The following PRMT7 variants were observed in gnomAD, a reference collection of about 807,000 sequenced individuals.
The protein encoded by PRMT7 is protein arginine N-methyltransferase 7.
A neutral mutation model predicts 85.4 loss-of-function variants in PRMT7; 75 were observed. That is an observed-to-expected ratio of 0.88 (90% CI 0.73 to 1.06). PRMT7 has a LOEUF of 1.06. PRMT7 is among the 50% of genes least tolerant of loss of function. The probability of loss-of-function intolerance (pLI) is 0.00; values close to 1 mark genes in which losing one functional copy is unlikely to be tolerated. For missense variants in PRMT7, 868 were observed against 915.2 expected, an observed-to-expected ratio of 0.95 and a Z score of 0.67; for synonymous variants, 397 against 359.5, an observed-to-expected ratio of 1.10 and a Z score of -1.18.
intron 9 of PRMT7, 84 bp downstream of exon 9, chr16:68,340,052 C>G (rs2085281142): frequency 1.6e-5 from 21 of 1,353,610 alleles, no homozygotes; most frequent in Non-Finnish European, 2.0e-5. Flanking sequence ...AGCCTTGGAC[C>G]CAGGAGAATT....
At chr16:68,319,734 GT>G (rs1309234527) in intron 3 of PRMT7, among the ~76,000 whole-genome samples, 1 of 151,574 alleles carries the variant, frequency 6.6e-6, no homozygotes, top group East Asian at 1.9e-4. Context: ...GTGTGTGTGT[GT>G]GTGTGTTCTG....
At chr16:68,358,903 A>T (rs1348051677), downstream of PRMT7, 1 of 152,568 alleles carries the variant, frequency 6.6e-6, no homozygotes, top group African/African-American at 2.4e-5. Flanking sequence ...ACAATGAGAC[A>T]CGTGGGTGGG....
chr16:68,340,309 C>T (rs1001196223), intron 9 of PRMT7, among the ~76,000 whole-genome samples: 1 of 152,164 alleles, frequency 6.6e-6, no homozygotes, highest in Admixed American at 6.5e-5. Context: ...TACAGCCTCA[C>T]CTTCTGTGGC....
chr16:68,341,531 C>T (rs1231278355), intron 9 of PRMT7, among the ~76,000 whole-genome samples: 2 of 152,048 alleles, frequency 1.3e-5, no homozygotes, highest in Non-Finnish European at 2.9e-5. Flanking sequence ...TGCCTCAGCC[C>T]CCTGAGTAGC....
chr16:68,342,155 G>A (rs1232174363), intron 9 of PRMT7, among the ~76,000 whole-genome samples: 1 of 152,166 alleles, frequency 6.6e-6, no homozygotes, highest in Non-Finnish European at 1.5e-5. Context: ...GTGCGTGCCT[G>A]TAATTCCAGC....
intron 2 of PRMT7, 59 bp from the exon 3 acceptor site, chr16:68,315,838 A>G: frequency 1.4e-6 from 1 of 707,480 alleles, no homozygotes; most frequent in South Asian, 1.6e-5. Flanking sequence ...TGTGCTGTTA[A>G]TAGATTTTTT....
chr16:68,345,591 G>A (rs1037550420), intron 9 of PRMT7, 84 bp from the exon 10 acceptor site: 8 of 1,576,848 alleles, frequency 5.1e-6, no homozygotes, highest in Non-Finnish European at 6.9e-6. Context: ...CTGAAAACTG[G>A]CAGTTCTCTG....
chr16:68,343,228 T>C (rs1401274634), intron 9 of PRMT7, among the ~76,000 whole-genome samples: 1 of 152,160 alleles, frequency 6.6e-6, no homozygotes, highest in Non-Finnish European at 1.5e-5. Flanking sequence ...GTTAGTACTT[T>C]TAATTTGCAT....
chr16:68,313,967 G>C (rs1370077241), intron 2 of PRMT7, among the ~76,000 whole-genome samples: 1 of 152,162 alleles, frequency 6.6e-6, no homozygotes, highest in Non-Finnish European at 1.5e-5. Context: ...AAATGAAATA[G>C]AGCATATCAG....
At chr16:68,325,422 G>GA (rs2082989026) in intron 5 of PRMT7, among the ~76,000 whole-genome samples, 1 of 152,092 alleles carries the variant, frequency 6.6e-6, no homozygotes. Flanking sequence ...TTTTGTAGGG[G>GA]AAAGTATTTA....
intron 3 of PRMT7, among the ~76,000 whole-genome samples, chr16:68,320,298 GAC>G (rs1369468053): frequency 1.3e-5 from 2 of 152,186 alleles, no homozygotes; most frequent in Non-Finnish European, 2.9e-5. Flanking sequence ...AGGAATTAAA[GAC>G]ACACACACAG....
chr16:68,360,502 C>G (rs1233269592), downstream of PRMT7: 1 of 152,554 alleles, frequency 6.6e-6, no homozygotes. Context: ...GAGCAAAGTT[C>G]TATGAGTGAC....
chr16:68,352,195 T>G, intron 14 of PRMT7, 53 bp from the exon 15 acceptor site: 1 of 1,586,640 alleles, frequency 6.3e-7, no homozygotes, highest in African/African-American at 1.3e-5. Flanking sequence ...CTGTTAACAC[T>G]CCTGGACCGA....
chr16:68,353,999 G>T lies in PRMT7; in HGVS notation c.1650+433G>T, dbSNP rs147431225. ...CAGAACCATGGGCTGTCCTGACAGC[G>T]CCAGTGGTCCTTGGATTCATGAGGA... On this transcript the variant is annotated intron_variant, in intron 16 of 18. Coordinates refer to ENST00000441236, the MANE Select transcript of PRMT7 (RefSeq NM_019023.5). Among the ~76,000 whole-genome samples, 250 of 152,314 alleles carry T rather than the reference G, an allele frequency of 1.6e-3. No individual in the cohort carries two copies. The Middle Eastern group carries it at 0.02, about 12-fold the overall frequency.
intron 2 of PRMT7, 53 bp downstream of exon 2, chr16:68,312,229 A>ATATTTTT (rs1419393129): frequency 0.011 from 1,250 of 112,604 alleles, 28 homozygotes; most frequent in African/African-American, 0.044. Flanking sequence ...ATATATATAT[A>ATATTTTT]TTTTTTTTTT....
intron 2 of PRMT7, among the ~76,000 whole-genome samples, chr16:68,313,098 T>C (rs2044167267): frequency 6.6e-6 from 1 of 152,216 alleles, no homozygotes; most frequent in Non-Finnish European, 1.5e-5. Context: ...GTGCTGGGAT[T>C]ATAGGCGTGA....
At position 68,355,868 on chromosome 16, in the gene PRMT7, C is replaced by G; in HGVS notation, c.1796C>G (p.Thr599Ser). Reference sequence around the variant, plus strand: ...CTGCAGCCCCTGTGTGCCGAGGGCACCGTGGAGCTCAGAAGGTGGGTGCAG... The same window carrying G: ...CTGCAGCCCCTGTGTGCCGAGGGCAGCGTGGAGCTCAGAAGGTGGGTGCAG... The part of the protein sequence containing the change: ...VPLQPLCAEG[T>S]VELRRPGQSH... The change falls in exon 17 of 19, where the codon ACC becomes AGC. Residue 599 changes from threonine (T) to serine (S), a missense_variant. Thr to Ser is a moderately conservative substitution (Grantham distance 58). Transcript: ENST00000441236. 6.2e-7 allele frequency: 1 copy of G among 1,601,566 alleles called. No individual in the cohort carries two copies. Among genetic ancestry groups the G allele is most frequent in the Non-Finnish European group, 8.5e-7 (1 of 1,176,292 alleles).
intron 1 of PRMT7, 181 bp downstream of exon 1, chr16:68,311,280 G>A (rs1430751087): frequency 1.8e-5 from 7 of 390,810 alleles, no homozygotes; most frequent in Non-Finnish European, 3.4e-5. Flanking sequence ...GGCTGGCCCC[G>A]GCTCTGCAGT....
downstream of PRMT7, chr16:68,359,054 G>A (rs890643001): frequency 6.5e-6 from 1 of 152,682 alleles, no homozygotes; most frequent in East Asian, 1.9e-4. Context: ...TGTGAGGTGG[G>A]AGGGGAGGAG....
Sources: allele counts gnomAD v4.1 joint callset (sites outside exome capture counted in the v4.1 genomes callset), GRCh38; gene constraint gnomAD v4.1.1; transcripts MANE v1.5; gene names NCBI Gene and HGNC (gene_info 2026-07-23, HGNC 2026-07-21).